ZSWIM9: variants seen among roughly 807,000 people sequenced by gnomAD.
ZSWIM9 encodes the protein uncharacterized protein ZSWIM9.
Under a neutral mutation model 25.0 loss-of-function variants are expected in ZSWIM9, and 11 were observed. The ratio of observed to expected loss-of-function variants is 0.44; its 90% CI spans 0.28 to 0.73. The LOEUF is 0.73. Ranked by LOEUF, ZSWIM9 falls within the 30% of genes least tolerant of loss-of-function variation. The pLI is 0.16. For missense variants in ZSWIM9, 1,070 were observed against 1,296.5 expected, an observed-to-expected ratio of 0.83 and a Z score of 2.68; for synonymous variants, 562 against 582.1, an observed-to-expected ratio of 0.97 and a Z score of 0.50.
At position 48,196,493 on chromosome 19, in the gene ZSWIM9, G is replaced by GCCGAC; in HGVS notation, c.2432_2436dup (p.Pro813AspfsTer65). Reference sequence around the variant, plus strand: ...GGCCCCAGGGAACCAAAGAGGCTTTGCCGACCCCCGGGAGAGGAGGAGGTG... The same window carrying GCCGAC: ...GGCCCCAGGGAACCAAAGAGGCTTTGCCGACCCGACCCCCGGGAGAGGAGGAGGTG... On this transcript the variant is annotated frameshift_variant, in exon 4 of 4. Transcript: ENST00000614654. LOFTEE classifies it high-confidence loss of function. The GCCGAC allele has an allele frequency of 8.1e-7, 1 of 1,232,606 alleles. No individual in the cohort carries two copies. The highest frequency in any genetic ancestry group is 1.0e-6 in the Non-Finnish European group (1 of 988,342). The allele number at this position is 1,232,606 out of a possible 1,614,324, so 76.4% of individuals were successfully genotyped here.
intron 3 of ZSWIM9, among the ~76,000 whole-genome samples, chr19:48,185,469 C>G (rs1026520528): frequency 5.9e-5 from 9 of 152,162 alleles, no homozygotes; most frequent in Non-Finnish European, 1.3e-4. Flanking sequence ...GGAAGAAGTT[C>G]TAGGACAGGA....
At chr19:48,191,397 G>T (rs1182165591) in intron 3 of ZSWIM9, among the ~76,000 whole-genome samples, 1 of 152,072 alleles carries the variant, frequency 6.6e-6, no homozygotes, top group Non-Finnish European at 1.5e-5. Flanking sequence ...TAGAGGTGGG[G>T]TTTCACCATG....
chr19:48,185,774 G>A (rs2037004514), intron 3 of ZSWIM9, among the ~76,000 whole-genome samples: 1 of 152,264 alleles, frequency 6.6e-6, no homozygotes, highest in Non-Finnish European at 1.5e-5. Context: ...ATCACCTGAT[G>A]GCAGGAGTTC....
At chr19:48,170,897 T>G (rs1599914810) in intron 1 of ZSWIM9, among the ~76,000 whole-genome samples, 183 bp downstream of exon 1, 1 of 144,128 alleles carries the variant, frequency 6.9e-6, no homozygotes, top group African/African-American at 2.6e-5. Flanking sequence ...GCATCTGGGG[T>G]GAAGGAGCCC....
intron 1 of ZSWIM9, among the ~76,000 whole-genome samples, chr19:48,171,577 G>C (rs912331302): frequency 6.6e-5 from 10 of 152,118 alleles, no homozygotes; most frequent in Non-Finnish European, 1.5e-4. Context: ...AAGATGACAG[G>C]CTCCAAGTGA....
intron 1 of ZSWIM9, chr19:48,171,357 G>A: frequency 1.0e-6 from 1 of 985,384 alleles, no homozygotes; most frequent in Non-Finnish European, 1.2e-6. Context: ...ATGGAAGGAG[G>A]AGTTCCAGAT....
At chr19:48,183,952 A>T (rs1445691178) in intron 3 of ZSWIM9, among the ~76,000 whole-genome samples, 15 of 147,144 alleles carry the variant, frequency 1.0e-4, no homozygotes, top group Middle Eastern at 3.5e-3. Context: ...GCCTACTTAA[A>T]TTTTTTTTTT....
intron 3 of ZSWIM9, among the ~76,000 whole-genome samples, chr19:48,188,479 G>A (rs532092582): frequency 2.6e-5 from 4 of 151,818 alleles, no homozygotes; most frequent in African/African-American, 4.8e-5. Context: ...TGCCTGCCTC[G>A]GCCTCCCAAA....
chr19:48,197,468 T>C lies in ZSWIM9; in HGVS notation c.*641T>C. On this transcript the variant is annotated 3_prime_UTR_variant, in exon 4 of 4. Coordinates refer to ENST00000614654, the MANE Select transcript of ZSWIM9 (RefSeq NM_199341.4). ...AGACGAAATGCAAGGGGCGTGGTTT[T>C]GGTTTTTCTCCAAGACCTGGAGACA... The C allele has an allele frequency of 1.7e-6, 1 of 590,140 alleles. No individual in the cohort carries two copies. The highest frequency in any genetic ancestry group is 2.8e-5 in the East Asian group (1 of 35,374). The allele number at this position is 590,140 out of a possible 1,614,324, so 36.6% of individuals were successfully genotyped here.
At position 48,195,900 on chromosome 19, in the gene ZSWIM9, C is replaced by A. The variant is rs999571173; in HGVS notation, c.1836C>A (p.Thr612=). ...DRRSTTDLRG[T]QFDYERVRSL... ...GGAGTACCACCGACCTGAGGGGGAC[C>A]CAGTTTGACTATGAGAGGGTCAGGA... Residue 612 remains threonine, a synonymous_variant, in exon 4 of 4, where the codon ACC becomes ACA. Transcript: ENST00000614654. The surrounding 1 kb of genome is among the most constrained non-coding windows in gnomAD (Gnocchi z 5.8). 1.3e-5 allele frequency: 18 copies of A among 1,386,728 alleles called. No homozygotes were observed. The highest frequency in any genetic ancestry group is 1.6e-5 in the Non-Finnish European group (17 of 1,075,176). The allele number at this position is 1,386,728 out of a possible 1,614,324, so 85.9% of individuals were successfully genotyped here.
chr19:48,182,460 C>A lies in ZSWIM9; in HGVS notation c.281C>A (p.Pro94His). 2.0e-6 allele frequency: 3 copies of A among 1,533,260 alleles called. No individual in the cohort carries two copies. Among genetic ancestry groups the A allele is most frequent in the Non-Finnish European group, 2.6e-6 (3 of 1,144,978 alleles). The allele number at this position is 1,533,260 out of a possible 1,614,324, so 95.0% of individuals were successfully genotyped here. Reference sequence around the variant, plus strand: ...GGTGGTGGTTCCTCCCACAGGCCTCCCCAGCCCGGCTGCCCCGCCTTCATC... The same window carrying A: ...GGTGGTGGTTCCTCCCACAGGCCTCACCAGCCCGGCTGCCCCGCCTTCATC... Reference protein sequence around the residue: ...RAPSRPAVGPPQPGCPAFIIV... With the variant: ...RAPSRPAVGPHQPGCPAFIIV... Residue 94 changes from proline (P) to histidine (H), a missense_variant, in exon 3 of 4, where the codon CCC (proline) becomes CAC (histidine). Transcript: ENST00000614654. This position sits in a 1 kb window ranked among gnomAD's most constrained non-coding sequence, Gnocchi z 4.6.
chr19:48,196,950 C>A lies in ZSWIM9; in HGVS notation c.*123C>A. On this transcript the variant is annotated 3_prime_UTR_variant, in exon 4 of 4. Coordinates refer to ENST00000614654, the MANE Select transcript of ZSWIM9 (RefSeq NM_199341.4). ...TCCCCCTGGCCACCTTCTGGGTCAT[C>A]CAGGGACCTCCTCATGGCAGTTTGC... is the stretch of plus-strand genomic sequence containing the variant. 9.9e-7 allele frequency: 1 copy of A among 1,005,178 alleles called. No homozygotes were observed. The highest frequency in any genetic ancestry group is 1.3e-6 in the Non-Finnish European group (1 of 760,812). The allele number at this position is 1,005,178 out of a possible 1,614,324, so 62.3% of individuals were successfully genotyped here. A position where few individuals can be genotyped will look rare whatever the true frequency, so the allele number is the denominator to read the frequency against.
At position 48,195,538 on chromosome 19, in the gene ZSWIM9, A is replaced by G. The variant is rs1431269163; in HGVS notation, c.1474A>G (p.Met492Val). The change falls in exon 4 of 4, where the codon ATG (methionine) becomes GTG (valine). Residue 492 changes from methionine (M) to valine (V), a missense_variant. Physicochemically the swap from Met to Val is conservative, Grantham distance 21. Transcript: ENST00000614654. The surrounding 1 kb of genome is among the most constrained non-coding windows in gnomAD (Gnocchi z 5.8). ...KEGSIWRGAQ[M>V]EKEWARALET... ...AGGAAGTATTTGGAGGGGAGCCCAG[A>G]TGGAGAAGGAGTGGGCAAGGGCACT... The G allele has an allele frequency of 1.1e-5, 16 of 1,413,740 alleles. No individual in the cohort carries two copies. In the Admixed American group the frequency reaches 4.1e-4, roughly 36 times the overall value. The allele number at this position is 1,413,740 out of a possible 1,614,324, so 87.6% of individuals were successfully genotyped here.
intron 3 of ZSWIM9, among the ~76,000 whole-genome samples, chr19:48,189,113 C>G (rs868519996): frequency 6.6e-6 from 1 of 152,160 alleles, no homozygotes; most frequent in Admixed American, 6.6e-5. Context: ...GACAAGAACA[C>G]TCACCCTTAG....
chr19:48,188,368 G>A (rs895637478), intron 3 of ZSWIM9, among the ~76,000 whole-genome samples: 17 of 152,000 alleles, frequency 1.1e-4, no homozygotes, highest in African/African-American at 2.7e-4. Context: ...GACTACAGGC[G>A]TGCGCCACCA....
At position 48,182,373 on chromosome 19, in the gene ZSWIM9, TAAAA is replaced by T; in HGVS notation, c.276-71_276-68del. On this transcript the variant is annotated intron_variant, in intron 2 of 3. Coordinates refer to ENST00000614654, the MANE Select transcript of ZSWIM9 (RefSeq NM_199341.4). The surrounding 1 kb of genome is among the most constrained non-coding windows in gnomAD (Gnocchi z 4.6). ...TCTATGCCTGAAACAATTCTTAGTT[TAAAA>T]AAAAAAAAAAGGTGAGTGGAAAGGA... 6 of 1,029,932 alleles carry T rather than the reference TAAAA, an allele frequency of 5.8e-6. No individual in the cohort carries two copies. Among genetic ancestry groups the T allele is most frequent in the Non-Finnish European group, 8.1e-6 (6 of 738,686 alleles). The allele number at this position is 1,029,932 out of a possible 1,614,324, so 63.8% of individuals were successfully genotyped here.
intron 2 of ZSWIM9, among the ~76,000 whole-genome samples, chr19:48,176,130 CA>C (rs2036891120): frequency 6.6e-6 from 1 of 152,086 alleles, no homozygotes; most frequent in African/African-American, 2.4e-5. Flanking sequence ...CACTTGAACC[CA>C]GGAGGCGAAG....
chr19:48,172,653 A>G (rs954588835), intron 2 of ZSWIM9, among the ~76,000 whole-genome samples: 1 of 152,024 alleles, frequency 6.6e-6, no homozygotes, highest in Non-Finnish European at 1.5e-5. Flanking sequence ...AGTAGCTGGG[A>G]TTACAGGCAC....
chr19:48,195,769 G>A lies in ZSWIM9; in HGVS notation c.1705G>A (p.Asp569Asn). 1 of 1,490,864 alleles carries A rather than the reference G, an allele frequency of 6.7e-7. No individual in the cohort carries two copies. The allele number at this position is 1,490,864 out of a possible 1,614,324, so 92.4% of individuals were successfully genotyped here. A position where few individuals can be genotyped will look rare whatever the true frequency, so the allele number is the denominator to read the frequency against. The change falls in exon 4 of 4, where the codon GAT becomes AAT. Residue 569 changes from aspartate to asparagine, a missense_variant. Asp to Asn is a conservative substitution (Grantham distance 23). Coordinates refer to ENST00000614654, the MANE Select transcript of ZSWIM9 (RefSeq NM_199341.4). This position sits in a 1 kb window ranked among gnomAD's most constrained non-coding sequence, Gnocchi z 5.8. ...GGGGCCCCAGTTGGAGGGTGAGAAA[G>A]ATTGGGGACTGGAAGGTTATGTCTG... ...WRGPQLEGEKDWGLEGYVWRG... is the reference protein window; with the variant it reads ...WRGPQLEGEKNWGLEGYVWRG...
Sources: allele counts gnomAD v4.1 joint callset (sites outside exome capture counted in the v4.1 genomes callset), GRCh38; gene constraint gnomAD v4.1.1; non-coding constraint Gnocchi (gnomAD v3.1); transcripts MANE v1.5; gene names NCBI Gene and HGNC (gene_info 2026-07-23, HGNC 2026-07-21).